TMPRSS15: variants seen among roughly 807,000 people sequenced by gnomAD.
The protein encoded by TMPRSS15 is enteropeptidase.
Under a neutral mutation model 125.3 loss-of-function variants are expected in TMPRSS15, and 128 were observed. That is an observed-to-expected ratio of 1.02 (90% CI 0.89 to 1.18). The LOEUF is 1.18. Among genes scored for constraint, TMPRSS15 ranks in the 50% most tolerant of loss-of-function variants. The pLI, the probability that TMPRSS15 is intolerant of heterozygous loss-of-function variation, is 0.00. For synonymous variants in TMPRSS15, 446 were observed against 423.2 expected, an observed-to-expected ratio of 1.05 and a Z score of -0.66; for missense variants, 1,283 against 1,212.7, an observed-to-expected ratio of 1.06 and a Z score of -0.86.
intron 1 of TMPRSS15, among the ~76,000 whole-genome samples, chr21:18,415,325 T>C (rs1474159376): frequency 6.6e-6 from 1 of 152,152 alleles, no homozygotes; most frequent in Non-Finnish European, 1.5e-5. Context: ...AATCTGTTGC[T>C]TCCTTTCCTG....
intron 8 of TMPRSS15, among the ~76,000 whole-genome samples, chr21:18,354,778 T>G (rs1601381527): frequency 6.6e-6 from 1 of 151,858 alleles, no homozygotes. Context: ...TAACAAACAA[T>G]GCATTAGCAT....
At chr21:18,312,707 A>G (rs1404112156) in intron 18 of TMPRSS15, among the ~76,000 whole-genome samples, 1 of 151,906 alleles carries the variant, frequency 6.6e-6, no homozygotes, top group Non-Finnish European at 1.5e-5. Flanking sequence ...TGTATAACAG[A>G]GTATATTGTA....
At chr21:18,327,285 T>TA (rs1473345880) in intron 15 of TMPRSS15, among the ~76,000 whole-genome samples, 1 of 152,200 alleles carries the variant, frequency 6.6e-6, no homozygotes, top group African/African-American at 2.4e-5. Context: ...GATGAAATGA[T>TA]ACGTTTTAAT....
intron 1 of TMPRSS15, among the ~76,000 whole-genome samples, chr21:18,440,511 G>C (rs1336110757): frequency 2.0e-5 from 3 of 151,384 alleles, no homozygotes; most frequent in African/African-American, 7.3e-5. Flanking sequence ...TTCATAAATC[G>C]ATGTGTATCA....
intron 1 of TMPRSS15, among the ~76,000 whole-genome samples, chr21:18,482,707 A>AT (rs1979005440): frequency 6.6e-6 from 1 of 151,658 alleles, no homozygotes; most frequent in Non-Finnish European, 1.5e-5. Flanking sequence ...ATTTTGTGTG[A>AT]TTTTTTAAAA....
At chr21:18,324,819 C>T (rs1002614025) in intron 16 of TMPRSS15, among the ~76,000 whole-genome samples, 6 of 152,020 alleles carry the variant, frequency 3.9e-5, no homozygotes, top group African/African-American at 7.2e-5. Context: ...CAGCTATGTC[C>T]ATCACCCTTC....
At chr21:18,395,448 G>A (rs2076026243) in intron 3 of TMPRSS15, among the ~76,000 whole-genome samples, 1 of 152,082 alleles carries the variant, frequency 6.6e-6, no homozygotes, top group African/African-American at 2.4e-5. Context: ...GAAAGCATTA[G>A]GTGACATACA....
intron 1 of TMPRSS15, among the ~76,000 whole-genome samples, chr21:18,415,547 T>A (rs1262685068): frequency 6.6e-6 from 1 of 152,066 alleles, no homozygotes; most frequent in African/African-American, 2.4e-5. Context: ...TAGGCAGAGA[T>A]CTATTTTTGT....
chr21:18,309,724 A>C (rs900406777), intron 18 of TMPRSS15, among the ~76,000 whole-genome samples: 6 of 152,172 alleles, frequency 3.9e-5, no homozygotes, highest in African/African-American at 1.4e-4. Context: ...CAAAATCACA[A>C]TGAGATACCA....
rs566710556 is a variant in TMPRSS15, at chr21:18,414,234, T to A, written c.11-15905A>T. Among the ~76,000 whole-genome samples, 6 of 152,276 alleles carry A rather than the reference T, an allele frequency of 3.9e-5. No individual in the cohort carries two copies. In the East Asian group the frequency reaches 1.2e-3, roughly 29 times the overall value. On this transcript the variant is annotated intron_variant, in intron 1 of 7. Transcript: ENST00000422787. The stretch of plus-strand genomic sequence containing the variant: ...CACTGCACATATTTAATGTATACAA[T>A]TTGATGAGTTCAGACAAATGCCAAC...
At chr21:18,440,917 T>C (rs1443428471) in intron 1 of TMPRSS15, among the ~76,000 whole-genome samples, 1 of 152,200 alleles carries the variant, frequency 6.6e-6, no homozygotes, top group African/African-American at 2.4e-5. Context: ...TGTTACAGAA[T>C]GATCAACCTA....
intron 16 of TMPRSS15, among the ~76,000 whole-genome samples, chr21:18,316,069 A>G (rs1346640565): frequency 6.6e-6 from 1 of 151,986 alleles, no homozygotes; most frequent in African/African-American, 2.4e-5. Flanking sequence ...CCTTTGCCAC[A>G]GCTCAAGGTG....
At chr21:18,426,913 T>C (rs1301890829) in intron 1 of TMPRSS15, among the ~76,000 whole-genome samples, 2 of 152,214 alleles carry the variant, frequency 1.3e-5, no homozygotes, top group African/African-American at 4.8e-5. Flanking sequence ...GAACAAAAAA[T>C]GTCTCAGTTG....
rs2075118832 is a variant in TMPRSS15, at chr21:18,313,087, C to T, written c.2033-10G>A. On this transcript the variant is annotated splice_polypyrimidine_tract_variant and intron_variant, in intron 17 of 24. Transcript: ENST00000284885. ...CCATTGAAAAAACGCACTAAAGACACAGAGAGCATAATGGTAGTTACCAGA... is the reference window on the plus strand; with the variant it reads ...CCATTGAAAAAACGCACTAAAGACATAGAGAGCATAATGGTAGTTACCAGA... 2.5e-6 allele frequency: 4 copies of T among 1,603,200 alleles called. No homozygotes were observed. The highest frequency in any genetic ancestry group is 1.7e-5 in the Admixed American group (1 of 59,978).
chr21:18,374,476 T>A, intron 5 of TMPRSS15, among the ~76,000 whole-genome samples: 1 of 47,410 alleles, frequency 2.1e-5, no homozygotes, highest in Non-Finnish European at 3.7e-5. Flanking sequence ...CGAGACTCCG[T>A]CTCAAAAAAA....
At chr21:18,454,380 G>A (rs1294549963) in intron 1 of TMPRSS15, among the ~76,000 whole-genome samples, 2 of 152,066 alleles carry the variant, frequency 1.3e-5, no homozygotes, top group Admixed American at 6.6e-5. Flanking sequence ...ATGTGTATTA[G>A]TTAGGGTTCT....
rs144305291 is a variant in TMPRSS15 at position 18,368,415 on chromosome 21, T to C, written c.665-3167A>G. ...TGTGACTGAGTTGGCCGATGAACGA[T>C]TGTAAAAGTCACTGTGTCTATTTCC... On this transcript the variant is annotated intron_variant, in intron 6 of 24. Transcript: ENST00000284885. Among the ~76,000 whole-genome samples, 1,284 of 152,312 alleles carry C rather than the reference T, an allele frequency of 8.4e-3. 7 individuals are homozygous for C. The highest frequency in any genetic ancestry group is 0.014 in the Non-Finnish European group (928 of 68,032).
chr21:18,406,249 AG>A (rs1027265013), upstream of TMPRSS15, among the ~76,000 whole-genome samples: 1 of 152,090 alleles, frequency 6.6e-6, no homozygotes, highest in African/African-American at 2.4e-5. Flanking sequence ...TATCCCACTT[AG>A]GGGGAAATAG....
At chr21:18,423,344 C>T (rs1404570117) in intron 1 of TMPRSS15, among the ~76,000 whole-genome samples, 1 of 151,816 alleles carries the variant, frequency 6.6e-6, no homozygotes, top group African/African-American at 2.4e-5. Flanking sequence ...TGACCATACC[C>T]TTTTTGTTCT....
Sources: allele counts gnomAD v4.1 joint callset (sites outside exome capture counted in the v4.1 genomes callset), GRCh38; gene constraint gnomAD v4.1.1; transcripts MANE v1.5; gene names NCBI Gene and HGNC (gene_info 2026-07-23, HGNC 2026-07-21).